The following MTIF3 variants were observed in gnomAD, a reference collection of about 807,000 sequenced individuals.
The protein encoded by MTIF3 is translation initiation factor IF-3, mitochondrial.
Under a neutral mutation model 20.7 loss-of-function variants are expected in MTIF3, and 13 were observed. The ratio of observed to expected loss-of-function variants is 0.63; its 90% CI spans 0.41 to 1.00. The LOEUF (loss-of-function observed/expected upper bound fraction) is 1.00. MTIF3 is among the 50% of genes least tolerant of loss of function. The pLI, the probability that MTIF3 is intolerant of heterozygous loss-of-function variation, is 0.00. For missense variants in MTIF3, 295 were observed against 324.5 expected (o/e 0.91, Z 0.70); for synonymous variants, 114 against 112.5 (o/e 1.01, Z -0.08).
chr13:27,443,416 T>C (rs1010457330), intron 2 of MTIF3, among the ~76,000 whole-genome samples: 31 of 152,204 alleles, frequency 2.0e-4, no homozygotes, highest in African/African-American at 7.2e-4. Context: ...CAAATGTCAC[T>C]AGGTATTCTG....
chr13:27,436,745 A>ATTTTTTTTTT (rs66903644), intron 4 of MTIF3, among the ~76,000 whole-genome samples: 6 of 90,202 alleles, frequency 6.7e-5, no homozygotes, highest in Non-Finnish European at 1.0e-4. Context: ...ATTTTCTACA[A>ATTTTTTTTTT]TTTTTTTTTT....
intron 2 of MTIF3, among the ~76,000 whole-genome samples, chr13:27,442,351 C>A (rs543154388): frequency 1.3e-4 from 20 of 152,320 alleles, no homozygotes; most frequent in African/African-American, 4.8e-4. Context: ...ACCGCCGCGC[C>A]GCTCAACTGC....
intron 3 of MTIF3, 71 bp from the exon 4 acceptor site, chr13:27,437,344 C>T (rs1953820575): frequency 7.1e-7 from 1 of 1,401,586 alleles, no homozygotes; most frequent in African/African-American, 1.4e-5. Flanking sequence ...CCCAACATGC[C>T]CATCATAAAA....
chr13:27,448,897 C>T (rs1376541739), intron 1 of MTIF3, among the ~76,000 whole-genome samples: 3 of 151,938 alleles, frequency 2.0e-5, no homozygotes, highest in Non-Finnish European at 4.4e-5. Flanking sequence ...AAAAACTAGC[C>T]GGGCCTGGTG....
At chr13:27,447,360 T>C (rs762923948) in intron 1 of MTIF3, among the ~76,000 whole-genome samples, 1 of 152,182 alleles carries the variant, frequency 6.6e-6, no homozygotes, top group Non-Finnish European at 1.5e-5. Flanking sequence ...CTGATGCCTC[T>C]GTGAGGTAAA....
Position 27,440,335 on chromosome 13 carries a change from G to T in MTIF3, c.114C>A (p.Ser38=), listed in dbSNP as rs941363157. 8 of 1,614,100 alleles carry T rather than the reference G, an allele frequency of 5.0e-6. No homozygotes were observed. Among genetic ancestry groups the T allele is most frequent in the African/African-American group, 1.3e-5 (1 of 75,006 alleles). The change falls in exon 3 of 5, where the codon TCC becomes TCA. Residue 38 remains serine, a synonymous_variant. Transcript: ENST00000381120. ...ILQKTAPAQL[S]PIASAPRLSF... is the part of the protein sequence containing the mutation. ...AGAGTCTTGGGGCAGAAGCAATAGG[G>T]GACAACTGTGCTGGTGCTGTCTTTT...
rs1566087767 is a variant in MTIF3 at position 27,445,167 on chromosome 13, CAA to C, written c.-70-13_-70-12del. The C allele has an allele frequency of 6.6e-6, 1 of 152,056 alleles. No individual in the cohort carries two copies. 9.4% of individuals were successfully genotyped at this position (152,056 alleles called of 1,614,324 possible). ...AGAGAAGAATGACAGCTAATAAACA[CAA>C]AAGAAAAGTAAAAGTAATTAGAAAA... is the stretch of plus-strand genomic sequence containing the variant. On this transcript the variant is annotated splice_polypyrimidine_tract_variant and intron_variant, in intron 1 of 4. Coordinates refer to ENST00000381120, the MANE Select transcript of MTIF3 (RefSeq NM_152912.5).
intron 3 of MTIF3, among the ~76,000 whole-genome samples, chr13:27,438,919 CAT>C (rs139686876): frequency 0.1 from 15,355 of 152,080 alleles, 1,116 homozygotes; most frequent in Non-Finnish European, 0.15. Context: ...CCGCAGATAA[CAT>C]GTGGTTTTCT....
At position 27,437,826 on chromosome 13, in the gene MTIF3, G is replaced by C. The variant is rs1218822; in HGVS notation, c.461-553C>G. 1.5e-4 allele frequency among the ~76,000 whole-genome samples: 23 copies of C among 151,978 alleles called. 1 individual carries two copies. The South Asian group carries it at 4.4e-3, about 29-fold the overall frequency. On this transcript the variant is annotated intron_variant, in intron 3 of 4. Coordinates refer to ENST00000381120, the MANE Select transcript of MTIF3 (RefSeq NM_152912.5). Reference sequence around the variant, plus strand: ...ATGACAAAAAGTTAGGTCTCCCCAGGTATACTAATGTTCTACAGGTGAAAA... The same window carrying C: ...ATGACAAAAAGTTAGGTCTCCCCAGCTATACTAATGTTCTACAGGTGAAAA...
At chr13:27,437,370 T>G (rs1953821194) in intron 3 of MTIF3, 97 bp from the exon 4 acceptor site, 1 of 1,093,938 alleles carries the variant, frequency 9.1e-7, no homozygotes, top group Admixed American at 2.6e-5. Flanking sequence ...GGTTGCCACC[T>G]GACAATCTTC....
intron 2 of MTIF3, among the ~76,000 whole-genome samples, chr13:27,444,258 T>G (rs990859000): frequency 6.6e-6 from 1 of 151,950 alleles, no homozygotes. Context: ...GTGAGCGAGA[T>G]TGCGCCACTG....
intron 3 of MTIF3, 94 bp downstream of exon 3, chr13:27,439,895 C>T (rs1953933550): frequency 9.2e-7 from 1 of 1,081,822 alleles, no homozygotes; most frequent in Non-Finnish European, 1.3e-6. Flanking sequence ...TTTCTCATTT[C>T]CCTCTTGTCA....
chr13:27,436,740 C>G (rs1205651499), intron 4 of MTIF3, among the ~76,000 whole-genome samples: 3 of 138,034 alleles, frequency 2.2e-5, no homozygotes, highest in Non-Finnish European at 4.6e-5. Flanking sequence ...TTCAGATTTT[C>G]TACAATTTTT....
At chr13:27,446,807 G>C (rs1363585616) in intron 1 of MTIF3, among the ~76,000 whole-genome samples, 3 of 151,976 alleles carry the variant, frequency 2.0e-5, no homozygotes, top group Non-Finnish European at 4.4e-5. Flanking sequence ...CTTAAACTCA[G>C]GTCTAAAAGT....
chr13:27,445,834 T>C (rs1366604192), intron 1 of MTIF3, among the ~76,000 whole-genome samples: 2 of 152,012 alleles, frequency 1.3e-5, no homozygotes, highest in East Asian at 1.9e-4. Context: ...CAATAGAAGA[T>C]GCCACAAGGA....
At chr13:27,441,119 G>C (rs1736545063) in intron 2 of MTIF3, 1 of 153,646 alleles carries the variant, frequency 6.5e-6, no homozygotes, top group Non-Finnish European at 1.4e-5. Flanking sequence ...CTTCTCTCAG[G>C]GGTGGCAAAG....
chr13:27,438,623 G>C (rs745350387), intron 3 of MTIF3, among the ~76,000 whole-genome samples: 5 of 150,784 alleles, frequency 3.3e-5, no homozygotes, highest in Non-Finnish European at 7.4e-5. Flanking sequence ...AGCCTCCCAA[G>C]TAGCTGGGAT....
In MTIF3 at chr13:27,440,107, C is replaced by T. The variant is rs1241311061; in HGVS notation, c.342G>A (p.Leu114=). The change falls in exon 3 of 5, where the codon CTG becomes CTA. Residue 114 remains leucine, a synonymous_variant. Transcript: ENST00000381120. ...NVIRLMDERD[L]RLVQRNTSTE... Reference sequence around the variant, plus strand: ...TGCTGGTGTTCCTTTGAACCAGTCGCAGGTCTCGCTCATCCATAAGTCTAA... The same window carrying T: ...TGCTGGTGTTCCTTTGAACCAGTCGTAGGTCTCGCTCATCCATAAGTCTAA... 2 of 1,614,104 alleles carry T rather than the reference C, an allele frequency of 1.2e-6. No individual in the cohort carries two copies. Among genetic ancestry groups the T allele is most frequent in the Non-Finnish European group, 1.7e-6 (2 of 1,180,052 alleles).
chr13:27,447,651 A>C (rs1954224525), intron 1 of MTIF3, among the ~76,000 whole-genome samples: 1 of 152,298 alleles, frequency 6.6e-6, no homozygotes, highest in East Asian at 1.9e-4. Flanking sequence ...GAACATCACC[A>C]TTATCCCAGG....
Sources: allele counts gnomAD v4.1 joint callset (sites outside exome capture counted in the v4.1 genomes callset), GRCh38; gene constraint gnomAD v4.1.1; transcripts MANE v1.5; gene names NCBI Gene and HGNC (gene_info 2026-07-23, HGNC 2026-07-21).